EIF5: variants seen among roughly 807,000 people sequenced by gnomAD.
EIF5 encodes the protein eukaryotic translation initiation factor 5.
Under a neutral mutation model 48.3 loss-of-function variants are expected in EIF5, and 10 were observed. That is an observed-to-expected ratio of 0.21 (90% CI 0.13 to 0.35). The LOEUF (loss-of-function observed/expected upper bound fraction) is 0.35. Among genes scored for constraint, EIF5 ranks in the 10% least tolerant of loss-of-function variants. The pLI is 1.00. For missense variants in EIF5, 397 were observed against 533.2 expected, an observed-to-expected ratio of 0.74 and a Z score of 2.51; for synonymous variants, 237 against 173.1, an observed-to-expected ratio of 1.37 and a Z score of -2.90.
Position 103,338,993 on chromosome 14 carries a change from CACG to C in EIF5, c.744+103_744+105del, listed in dbSNP as rs2089321859. On this transcript the variant is annotated intron_variant, in intron 8 of 11. Coordinates refer to ENST00000216554, the MANE Select transcript of EIF5 (RefSeq NM_001969.5). ...CAGTGTAATTAGGATTACTCTAATG[CACG>C]ACTTTTTAGAACTCTTGTTCATTTA... 6.1e-5 allele frequency: 92 copies of C among 1,503,980 alleles called. No individual in the cohort carries two copies. In the South Asian group the frequency reaches 1.2e-3, roughly 19 times the overall value. 93.2% of individuals were successfully genotyped at this position (1,503,980 alleles called of 1,614,324 possible). A position where few individuals can be genotyped will look rare whatever the true frequency, so the allele number is the denominator to read the frequency against.
Position 103,341,960 on chromosome 14 carries a change from A to G in EIF5, c.*908A>G, listed in dbSNP as rs1026565556. ...TTTTGCCCTTAGGGTTTAAATTACAATTCCAAAATGTTAGACATACTGTAT... is the reference window on the plus strand; with the variant it reads ...TTTTGCCCTTAGGGTTTAAATTACAGTTCCAAAATGTTAGACATACTGTAT... On this transcript the variant is annotated 3_prime_UTR_variant, in exon 12 of 12. Transcript: ENST00000216554. The G allele has an allele frequency of 5.2e-5, 8 of 152,546 alleles. No individual in the cohort carries two copies. The highest frequency in any genetic ancestry group is 1.4e-4 in the African/African-American group (6 of 41,434). The allele number at this position is 152,546 out of a possible 1,614,324, so 9.4% of individuals were successfully genotyped here. A position where few individuals can be genotyped will look rare whatever the true frequency, so the allele number is the denominator to read the frequency against.
chr14:103,335,003 G>T (rs551729376), intron 2 of EIF5: 1 of 152,342 alleles, frequency 6.6e-6, no homozygotes, highest in Middle Eastern at 3.4e-3. Flanking sequence ...GGAGCTGCCC[G>T]GTTCGCCAGC....
Position 103,339,836 on chromosome 14 carries a change from A to G in EIF5, c.1071+33A>G, listed in dbSNP as rs189463804. ...ATACATAGGTGGGCTCTTAAAGTTC[A>G]CAGGTTTTGGGGGGTTTTTTTGTTT... is the stretch of plus-strand genomic sequence containing the variant. On this transcript the variant is annotated intron_variant, in intron 10 of 11. Transcript: ENST00000216554. The G allele has an allele frequency of 7.9e-5, 126 of 1,599,402 alleles. 1 individual carries two copies. The African/African-American group carries it at 1.3e-3, about 17-fold the overall frequency.
At chr14:103,336,350 A>T (rs1049787809) in intron 4 of EIF5, among the ~76,000 whole-genome samples, 5 of 152,182 alleles carry the variant, frequency 3.3e-5, no homozygotes, top group Admixed American at 6.5e-5. Context: ...TGGAAGGCTG[A>T]GGCAAGCGGA....
At chr14:103,336,541 G>A (rs903795751) in intron 4 of EIF5, 136 bp from the exon 5 acceptor site, 12 of 938,556 alleles carry the variant, frequency 1.3e-5, no homozygotes, top group African/African-American at 6.8e-5. Flanking sequence ...AGACCACGCC[G>A]TTGCACTCCA....
At chr14:103,339,527 T>C in intron 9 of EIF5, 112 bp from the exon 10 acceptor site, 1 of 1,519,544 alleles carries the variant, frequency 6.6e-7, no homozygotes, top group South Asian at 1.2e-5. Context: ...ATTGACCTTT[T>C]TGAACAACTA....
intron 2 of EIF5, 131 bp downstream of exon 2, chr14:103,334,728 C>T (rs2089262053): frequency 6.9e-6 from 1 of 145,044 alleles, no homozygotes; most frequent in Non-Finnish European, 1.5e-5. Context: ...GCGCCGGCCG[C>T]CCCCTCCCCG....
intron 5 of EIF5, 50 bp from the exon 6 acceptor site, chr14:103,337,066 T>G (rs375997355): frequency 2.0e-6 from 3 of 1,537,054 alleles, no homozygotes; most frequent in East Asian, 2.3e-5. Context: ...GTCCTCTGAT[T>G]AGATATTTTC....
intron 4 of EIF5, 122 bp downstream of exon 4, chr14:103,336,239 G>A (rs1050017373): frequency 3.9e-6 from 4 of 1,034,482 alleles, no homozygotes; most frequent in Admixed American, 2.7e-5. Context: ...GTGAGGAACC[G>A]TGGTTTATTG....
Position 103,341,190 on chromosome 14 carries a change from G to T in EIF5, c.*138G>T, listed in dbSNP as rs1435699055. 6.9e-6 allele frequency: 5 copies of T among 725,410 alleles called. No individual in the cohort carries two copies. Among genetic ancestry groups the T allele is most frequent in the Non-Finnish European group, 1.2e-5 (5 of 424,558 alleles). The allele number at this position is 725,410 out of a possible 1,614,324, so 44.9% of individuals were successfully genotyped here. A position where few individuals can be genotyped will look rare whatever the true frequency, so the allele number is the denominator to read the frequency against. ...CTTTACACTAAAAATCTATTACTGT[G>T]AGTGGTCTGTTATTAAGCCCAATGA... On this transcript the variant is annotated 3_prime_UTR_variant, in exon 12 of 12. Coordinates refer to ENST00000216554, the MANE Select transcript of EIF5 (RefSeq NM_001969.5).
In EIF5 at chr14:103,341,868, A is replaced by G. The variant is rs187868088; in HGVS notation, c.*816A>G. The G allele has an allele frequency of 1.9e-4, 29 of 152,760 alleles. No individual in the cohort carries two copies. Among genetic ancestry groups the G allele is most frequent in the Admixed American group, 1.6e-3 (25 of 15,310 alleles). 9.5% of individuals were successfully genotyped at this position (152,760 alleles called of 1,614,324 possible). ...ACTTGCTTTGGGGTGCAATTAATAA[A>G]CTGATTTTATTTGGGAGAAACAAGG... On this transcript the variant is annotated 3_prime_UTR_variant, in exon 12 of 12. Coordinates refer to ENST00000216554, the MANE Select transcript of EIF5 (RefSeq NM_001969.5).
Position 103,341,533 on chromosome 14 carries a change from C to T in EIF5, c.*481C>T, listed in dbSNP as rs1349660259. ...CAAACTTAATTGTAATTAATTTATT[C>T]AGCCCATTAAGAAAGTACTAAAGTT... On this transcript the variant is annotated 3_prime_UTR_variant, in exon 12 of 12. Coordinates refer to ENST00000216554, the MANE Select transcript of EIF5 (RefSeq NM_001969.5). 6.4e-6 allele frequency: 1 copy of T among 156,972 alleles called. No individual in the cohort carries two copies. The highest frequency in any genetic ancestry group is 2.4e-5 in the African/African-American group (1 of 41,500). 9.7% of individuals were successfully genotyped at this position (156,972 alleles called of 1,614,324 possible).
At position 103,340,254 on chromosome 14, in the gene EIF5, A is replaced by C. The variant is rs76801639; in HGVS notation, c.1072-173A>C. ...TAGATTGTGATTCGCATCATGTCAG[A>C]TTTGTAGTCATAACAGACTGCTGAG... is the stretch of plus-strand genomic sequence containing the variant. On this transcript the variant is annotated intron_variant, in intron 10 of 11. Transcript: ENST00000216554. 3,695 of 685,454 alleles carry C rather than the reference A, an allele frequency of 5.4e-3. 99 individuals carry two copies. The African/African-American group carries it at 0.056, about 10-fold the overall frequency. 42.5% of individuals were successfully genotyped at this position (685,454 alleles called of 1,614,324 possible). A position where few individuals can be genotyped will look rare whatever the true frequency, so the allele number is the denominator to read the frequency against.
chr14:103,337,046 T>C (rs2089295038), intron 5 of EIF5, 70 bp from the exon 6 acceptor site: 4 of 1,430,846 alleles, frequency 2.8e-6, no homozygotes, highest in Non-Finnish European at 3.8e-6. Context: ...AAGCTGTCTG[T>C]GGTTTAGATG....
In EIF5 at chr14:103,342,767, C is replaced by T. The variant is rs1351107381; in HGVS notation, c.*1715C>T. 1.3e-5 allele frequency: 2 copies of T among 152,634 alleles called. No homozygotes were observed. The highest frequency in any genetic ancestry group is 2.9e-5 in the Non-Finnish European group (2 of 68,052). The allele number at this position is 152,634 out of a possible 1,614,324, so 9.5% of individuals were successfully genotyped here. On this transcript the variant is annotated 3_prime_UTR_variant, in exon 12 of 12. Transcript: ENST00000216554. ...TACCTGGAGGGAATGTGCTTTGTCA[C>T]ACCAAAGAGGATTTTTTTTTCTTCA...
chr14:103,335,657 G>C lies in EIF5; in HGVS notation c.-204G>C. On this transcript the variant is annotated 5_prime_UTR_variant, in exon 3 of 12. Transcript: ENST00000216554. ...TTCTTTCCCTTTTTCTTTCAGAGCT[G>C]TTGCGCAGCCATTGGTACCTGTATT... The C allele has an allele frequency of 3.4e-6, 2 of 582,786 alleles. No homozygotes were observed. The highest frequency in any genetic ancestry group is 5.6e-5 in the East Asian group (2 of 35,648). 36.1% of individuals were successfully genotyped at this position (582,786 alleles called of 1,614,324 possible).
rs2089281463 is a variant in EIF5, at chr14:103,336,082, T to C, written c.119T>C (p.Val40Ala). 6.2e-7 allele frequency: 1 copy of C among 1,614,208 alleles called. No individual in the cohort carries two copies. Among genetic ancestry groups the C allele is most frequent in the Non-Finnish European group, 8.5e-7 (1 of 1,180,030 alleles). ...NGIKTVIVNM[V>A]DVAKALNRPP... is the part of the protein sequence containing the mutation. ...ATCAAGACAGTTATAGTCAACATGG[T>C]TGACGTTGCAAAGGCGCTTAATCGG... The change falls in exon 4 of 12, where the codon GTT becomes GCT. Residue 40 changes from valine to alanine, a missense_variant. Coordinates refer to ENST00000216554, the MANE Select transcript of EIF5 (RefSeq NM_001969.5).
rs2089339604 is a variant in EIF5, at chr14:103,340,420, T to A, written c.1072-7T>A. Reference sequence around the variant, plus strand: ...TCAACTAAGAGACTTGTACTCACATTTTTTAGGCCTCTAAGAAATATGTCT... The same window carrying A: ...TCAACTAAGAGACTTGTACTCACATATTTTAGGCCTCTAAGAAATATGTCT... On this transcript the variant is annotated splice_region_variant and splice_polypyrimidine_tract_variant and intron_variant, in intron 10 of 11. Coordinates refer to ENST00000216554, the MANE Select transcript of EIF5 (RefSeq NM_001969.5). 11 of 1,596,858 alleles carry A rather than the reference T, an allele frequency of 6.9e-6. No individual in the cohort carries two copies. In the South Asian group the frequency reaches 9.9e-5, roughly 14 times the overall value.
rs779336285 is a variant in EIF5 at position 103,336,087 on chromosome 14, G to A, written c.124G>A (p.Val42Ile). ...GACAGTTATAGTCAACATGGTTGAC[G>A]TTGCAAAGGCGCTTAATCGGCCTCC... ...IKTVIVNMVD[V>I]AKALNRPPTY... The change falls in exon 4 of 12, where the codon GTT becomes ATT. Residue 42 changes from valine to isoleucine, a missense_variant. By Grantham distance (29) the Val-to-Ile change is conservative. Coordinates refer to ENST00000216554, the MANE Select transcript of EIF5 (RefSeq NM_001969.5). 1.9e-6 allele frequency: 3 copies of A among 1,614,144 alleles called. No individual in the cohort carries two copies. The highest frequency in any genetic ancestry group is 2.2e-5 in the East Asian group (1 of 44,884).
Sources: allele counts gnomAD v4.1 joint callset (sites outside exome capture counted in the v4.1 genomes callset), GRCh38; gene constraint gnomAD v4.1.1; transcripts MANE v1.5; gene names NCBI Gene and HGNC (gene_info 2026-07-23, HGNC 2026-07-21).